The following TGM2 variants were observed in gnomAD, a reference collection of about 807,000 sequenced individuals.
TGM2 encodes the protein protein-glutamine gamma-glutamyltransferase 2.
In TGM2, 53 loss-of-function variants were observed where a neutral mutation model predicts 75.6. That is an observed-to-expected ratio of 0.70 (90% CI 0.56 to 0.88). TGM2 has a LOEUF of 0.88. TGM2 is among the 40% of genes least tolerant of loss of function. The pLI is 0.00. For synonymous variants in TGM2, 374 were observed against 381.1 expected, an observed-to-expected ratio of 0.98 and a Z score of 0.22; for missense variants, 842 against 928.5, an observed-to-expected ratio of 0.91 and a Z score of 1.21.
At chr20:38,141,204 GC>G in intron 8 of TGM2, 77 bp downstream of exon 8, 1 of 1,241,794 alleles carries the variant, frequency 8.1e-7, no homozygotes. Flanking sequence ...TAGTTCTGCC[GC>G]CCTCCAGCTG....
intron 2 of TGM2, among the ~76,000 whole-genome samples, chr20:38,156,703 G>A (rs2075192473): frequency 6.6e-6 from 1 of 152,082 alleles, no homozygotes; most frequent in African/African-American, 2.4e-5. Context: ...TCCATAGGCA[G>A]TTCCGAGATG....
intron 1 of TGM2, among the ~76,000 whole-genome samples, chr20:38,164,698 T>C (rs2075291808): frequency 6.6e-6 from 1 of 152,176 alleles, no homozygotes; most frequent in South Asian, 2.1e-4. Flanking sequence ...ACAAGCCTGA[T>C]TTCCGAAGGC....
intron 10 of TGM2, among the ~76,000 whole-genome samples, chr20:38,137,607 C>A (rs576448976): frequency 1.3e-5 from 2 of 152,300 alleles, no homozygotes; most frequent in South Asian, 4.1e-4. Context: ...GTGGAAAGTG[C>A]AACAGGCACT....
upstream of TGM2, among the ~76,000 whole-genome samples, chr20:38,166,141 C>T (rs964138027): frequency 6.6e-6 from 1 of 152,196 alleles, no homozygotes; most frequent in Admixed American, 6.5e-5. Context: ...AACAGACACA[C>T]CCATGTCCCT....
At chr20:38,134,946 AGCCTC>A (rs2074880320) in intron 10 of TGM2, among the ~76,000 whole-genome samples, 2 of 152,216 alleles carry the variant, frequency 1.3e-5, no homozygotes, top group African/African-American at 4.8e-5. Context: ...GACTTGGACC[AGCCTC>A]ACTTTCCAGC....
At chr20:38,151,141 C>A in intron 3 of TGM2, 84 bp from the exon 4 acceptor site, 1 of 991,400 alleles carries the variant, frequency 1.0e-6, no homozygotes, top group Non-Finnish European at 1.6e-6. Flanking sequence ...GGTGCCAATT[C>A]CCTAGGCCAA....
intron 6 of TGM2, chr20:38,146,297 C>A: frequency 3.2e-6 from 1 of 314,552 alleles, no homozygotes; most frequent in South Asian, 2.8e-5. Flanking sequence ...TGCTGAGTAG[C>A]TTCATGTCAC....
chr20:38,155,829 G>A lies in TGM2; in HGVS notation c.433+18C>T. On this transcript the variant is annotated intron_variant, in intron 3 of 12. Coordinates refer to ENST00000361475, the MANE Select transcript of TGM2 (RefSeq NM_004613.4). ...CCCTGCCCACCCCAACGCTGTGAGT[G>A]GATGGCGTGTGGCTCACCTGGGCAC... 1.3e-6 allele frequency: 2 copies of A among 1,591,662 alleles called. No individual in the cohort carries two copies. Among genetic ancestry groups the A allele is most frequent in the Non-Finnish European group, 1.7e-6 (2 of 1,169,906 alleles).
chr20:38,131,354 C>CG, intron 11 of TGM2, 125 bp from the exon 12 acceptor site: 3 of 1,319,300 alleles, frequency 2.3e-6, no homozygotes, highest in Non-Finnish European at 3.1e-6. Context: ...CGATCACCCC[C>CG]CCTCCCCCCA....
Position 38,163,079 on chromosome 20 carries a change from G to A in TGM2, c.11-1480C>T, listed in dbSNP as rs148881270. On this transcript the variant is annotated intron_variant, in intron 1 of 12. Transcript: ENST00000361475. ...CCCCCTTCCCCACGGCCCAGCCCAG[G>A]ACAGAAGCTTGATACGTGAAAGTTC... Among the ~76,000 whole-genome samples, 38 of 152,272 alleles carry A rather than the reference G, an allele frequency of 2.5e-4. No individual in the cohort carries two copies. In the East Asian group the frequency reaches 5.6e-3, roughly 22 times the overall value.
upstream of TGM2, among the ~76,000 whole-genome samples, chr20:38,166,953 A>G (rs563265843): frequency 4.6e-5 from 7 of 151,896 alleles, no homozygotes; most frequent in African/African-American, 1.7e-4. Flanking sequence ...TCAAGTTCCC[A>G]CTCTGCCCCT....
Position 38,153,528 on chromosome 20 carries a change from A to AAAAAAAAAAAAAAAGAAAAG in TGM2, c.433+2318_433+2319insCTTTTCTTTTTTTTTTTTTT, listed in dbSNP as rs56670550. Among the ~76,000 whole-genome samples, 100 of 125,262 alleles carry AAAAAAAAAAAAAAAGAAAAG rather than the reference A, an allele frequency of 8.0e-4. 2 individuals are homozygous for AAAAAAAAAAAAAAAGAAAAG. Among genetic ancestry groups the AAAAAAAAAAAAAAAGAAAAG allele is most frequent in the African/African-American group, 2.8e-3 (84 of 29,748 alleles). 82.2% of individuals were successfully genotyped at this position (125,262 alleles called of 152,430 possible). ...TGACAGAGAGAGCCTTGGTCTCAAA[A>AAAAAAAAAAAAAAAGAAAAG]AAAAGAAAAAAAAAAAAAGAATGAA... On this transcript the variant is annotated intron_variant, in intron 3 of 12. Transcript: ENST00000361475.
intron 4 of TGM2, among the ~76,000 whole-genome samples, chr20:38,149,283 A>C (rs1433800222): frequency 6.6e-6 from 1 of 152,012 alleles, no homozygotes; most frequent in African/African-American, 2.4e-5. Context: ...ATAGGCTGTT[A>C]TTCCTTCCTT....
intron 10 of TGM2, among the ~76,000 whole-genome samples, chr20:38,137,358 G>A (rs45484697): frequency 0.029 from 4,434 of 152,216 alleles, 204 homozygotes; most frequent in African/African-American, 0.1. Context: ...GGTGGTGCAC[G>A]CCTGTAATCC....
chr20:38,161,479 T>A lies in TGM2; in HGVS notation c.131A>T (p.His44Leu), dbSNP rs2075251641. The change falls in exon 2 of 13, where the codon CAC (histidine) becomes CTC (leucine). Residue 44 changes from histidine to leucine, a missense_variant. Coordinates refer to ENST00000361475, the MANE Select transcript of TGM2 (RefSeq NM_004613.4). ...GGCCTCGTAGTTGCGGCCCTCAAAG[T>A]GCAGGGTCAGCCAGAAGGGCTGGCC... is the stretch of plus-strand genomic sequence containing the variant. ...RRGQPFWLTL[H>L]FEGRNYEASV... The A allele has an allele frequency of 6.2e-7, 1 of 1,614,008 alleles. No homozygotes were observed. The highest frequency in any genetic ancestry group is 8.5e-7 in the Non-Finnish European group (1 of 1,180,022).
intron 5 of TGM2, 31 bp downstream of exon 5, chr20:38,147,930 C>T (rs1420931554): frequency 3.1e-6 from 5 of 1,596,712 alleles, no homozygotes; most frequent in South Asian, 1.1e-5. Context: ...CTGTAGGCCC[C>T]GCCCCTGGAT....
intron 3 of TGM2, among the ~76,000 whole-genome samples, chr20:38,155,018 A>T (rs1392232740): frequency 6.6e-6 from 1 of 152,192 alleles, no homozygotes; most frequent in Admixed American, 6.5e-5. Flanking sequence ...AGGCAGGAGG[A>T]TTGCTTGAAC....
chr20:38,145,124 G>A (rs2075029343), intron 6 of TGM2, among the ~76,000 whole-genome samples: 1 of 152,192 alleles, frequency 6.6e-6, no homozygotes, highest in Non-Finnish European at 1.5e-5. Flanking sequence ...ACGGGGAACA[G>A]GCAGTCCCAG....
chr20:38,139,289 C>T (rs1026385796), intron 9 of TGM2, 123 bp downstream of exon 9: 23 of 1,401,254 alleles, frequency 1.6e-5, no homozygotes, highest in Middle Eastern at 1.9e-4. Flanking sequence ...GTATAGCCTA[C>T]GGGGCCATTG....
Sources: allele counts gnomAD v4.1 joint callset (sites outside exome capture counted in the v4.1 genomes callset), GRCh38; gene constraint gnomAD v4.1.1; transcripts MANE v1.5; gene names NCBI Gene and HGNC (gene_info 2026-07-23, HGNC 2026-07-21).